Variants in LMO1 observed in about 807,000 individuals in gnomAD.
The protein encoded by LMO1 is LIM domain only 1, also known as rhombotin-1.
LMO1 carries 10 observed loss-of-function variants against 18.0 expected under a neutral mutation model. The observed-to-expected ratio is 0.55, with a 90% CI of 0.34 to 0.94. The LOEUF is 0.94. Among genes scored for constraint, LMO1 ranks in the 40% least tolerant of loss-of-function variants. The pLI, the probability that LMO1 is intolerant of heterozygous loss-of-function variation, is 0.02. For synonymous variants in LMO1, 77 were observed against 77.9 expected (o/e 0.99, Z 0.06); for missense variants, 183 against 205.7 (o/e 0.89, Z 0.68).
At chr11:8,238,614 T>C (rs1952802441) in intron 1 of LMO1, among the ~76,000 whole-genome samples, 1 of 136,348 alleles carries the variant, frequency 7.3e-6, no homozygotes, top group South Asian at 2.2e-4. Flanking sequence ...GAGGTTGCAG[T>C]GAGCCAAGAT....
intron 2 of LMO1, among the ~76,000 whole-genome samples, chr11:8,229,183 TA>T: frequency 6.6e-6 from 1 of 152,162 alleles, no homozygotes; most frequent in Non-Finnish European, 1.5e-5. Context: ...CCACCGCGCC[TA>T]GCCTGAACAT....
chr11:8,267,902 G>C (rs1290710576), upstream of LMO1, among the ~76,000 whole-genome samples: 1 of 152,218 alleles, frequency 6.6e-6, no homozygotes, highest in African/African-American at 2.4e-5. Context: ...CCGCAGCTAC[G>C]GAGTGCCAGA....
chr11:8,224,748 G>C, intron 3 of LMO1, 27 bp from the exon 4 acceptor site: 14 of 1,475,166 alleles, frequency 9.5e-6, no homozygotes, highest in Non-Finnish European at 1.2e-5. Flanking sequence ...AGAGAGAGAA[G>C]CCATGGGAAG....
upstream of LMO1, among the ~76,000 whole-genome samples, chr11:8,268,125 C>T (rs1306106203): frequency 6.6e-6 from 1 of 152,240 alleles, no homozygotes; most frequent in Non-Finnish European, 1.5e-5. Flanking sequence ...CGCAAGGCGG[C>T]AAGAGTCCGT....
At chr11:8,251,844 GGTGTGC>G (rs1224189679) in intron 1 of LMO1, among the ~76,000 whole-genome samples, 1 of 139,674 alleles carries the variant, frequency 7.2e-6, no homozygotes, top group African/African-American at 2.8e-5. Context: ...CTGTGTGGTG[GGTGTGC>G]GTGTGTGTGT....
intron 1 of LMO1, among the ~76,000 whole-genome samples, chr11:8,248,185 A>T (rs1289213752): frequency 1.3e-5 from 2 of 152,262 alleles, no homozygotes; most frequent in Non-Finnish European, 2.9e-5. Context: ...CCCCTGCAGC[A>T]AGCGGTCAGG....
chr11:8,225,045 G>A (rs998748495), intron 3 of LMO1, among the ~76,000 whole-genome samples: 3 of 152,024 alleles, frequency 2.0e-5, no homozygotes, highest in African/African-American at 7.3e-5. Flanking sequence ...TGCAGGAACA[G>A]CCTACCCCAG....
upstream of LMO1, among the ~76,000 whole-genome samples, chr11:8,265,132 C>T (rs913547214): frequency 1.3e-5 from 2 of 152,226 alleles, no homozygotes; most frequent in African/African-American, 2.4e-5. Context: ...AGTTGGGATT[C>T]TATCTCATCT....
intron 1 of LMO1, among the ~76,000 whole-genome samples, chr11:8,235,508 T>C (rs373436277): frequency 1.1e-4 from 16 of 152,358 alleles, no homozygotes; most frequent in African/African-American, 3.6e-4. Context: ...CATAACATTA[T>C]TATCTAATCT....
At chr11:8,253,169 G>A (rs1847033867) in intron 1 of LMO1, among the ~76,000 whole-genome samples, 1 of 152,206 alleles carries the variant, frequency 6.6e-6, no homozygotes, top group Non-Finnish European at 1.5e-5. Flanking sequence ...GACGAGGAAA[G>A]TGGGAGAAGC....
intron 2 of LMO1, 83 bp from the exon 3 acceptor site, chr11:8,227,183 G>A (rs529142825): frequency 2.6e-6 from 4 of 1,543,294 alleles, no homozygotes; most frequent in Admixed American, 1.8e-5. Flanking sequence ...TCCATCCAGG[G>A]TCCTTCCCAT....
chr11:8,259,439 G>A (rs1847150797), intron 1 of LMO1, among the ~76,000 whole-genome samples: 1 of 152,208 alleles, frequency 6.6e-6, no homozygotes. Context: ...CAGCAGAAAG[G>A]AGGGCTGCCG....
At chr11:8,250,621 C>T (rs781209907) in intron 1 of LMO1, among the ~76,000 whole-genome samples, 6 of 152,250 alleles carry the variant, frequency 3.9e-5, no homozygotes, top group South Asian at 4.1e-4. Flanking sequence ...CAAGAAGATG[C>T]CTCACAGATG....
chr11:8,254,246 G>A (rs979696108), intron 1 of LMO1, among the ~76,000 whole-genome samples: 5 of 152,154 alleles, frequency 3.3e-5, no homozygotes, highest in African/African-American at 4.8e-5. Context: ...GCTCCACGCC[G>A]GAATTACCAT....
intron 1 of LMO1, 73 bp from the exon 2 acceptor site, chr11:8,230,577 A>G: frequency 2.1e-6 from 3 of 1,450,500 alleles, no homozygotes. Context: ...ATCCCCCAAG[A>G]ATGGGGAGCT....
rs1847223768 is a variant in LMO1 at position 8,263,415 on chromosome 11, G to T, written c.-53C>A. On this transcript the variant is annotated 5_prime_UTR_variant, in exon 1 of 4. Transcript: ENST00000335790. Reference sequence around the variant, plus strand: ...TAGGCTCGGCCGGGAGAAGGGCGCCGACTCGGGGCGCGCTTTGGAGGGGCG... The same window carrying T: ...TAGGCTCGGCCGGGAGAAGGGCGCCTACTCGGGGCGCGCTTTGGAGGGGCG... The T allele has an allele frequency of 1.3e-6, 2 of 1,590,376 alleles. No individual in the cohort carries two copies. The highest frequency in any genetic ancestry group is 1.7e-5 in the Admixed American group (1 of 58,398).
chr11:8,251,588 A>T (rs755977209), intron 1 of LMO1, among the ~76,000 whole-genome samples: 8 of 152,132 alleles, frequency 5.3e-5, no homozygotes, highest in Non-Finnish European at 1.0e-4. Context: ...GTGGCTTTGT[A>T]GGGCCCTCCC....
chr11:8,228,753 T>TCTTTCTCCAAGTCCTGTGAACCC (rs760419442), intron 2 of LMO1, among the ~76,000 whole-genome samples: 114 of 152,160 alleles, frequency 7.5e-4, no homozygotes, highest in Middle Eastern at 3.4e-3. Flanking sequence ...ACTGTGGGCC[T>TCTTTCTCCAAGTCCTGTGAACCC]CTCTCTCCAA....
intron 2 of LMO1, among the ~76,000 whole-genome samples, chr11:8,229,388 T>C (rs1242578207): frequency 1.3e-5 from 2 of 152,182 alleles, no homozygotes; most frequent in Non-Finnish European, 2.9e-5. Flanking sequence ...TGCCCAGACC[T>C]GGGCAGAGGG....
Sources: gnomAD v4.1 joint callset for allele counts (sites outside exome capture counted in the v4.1 genomes callset) on GRCh38, gnomAD v4.1.1 for gene constraint, MANE v1.5 for transcripts, NCBI Gene and HGNC (gene_info 2026-07-23, HGNC 2026-07-21) for gene names.